The following FRMPD4 variants were observed in gnomAD, a reference collection of about 807,000 sequenced individuals.
FRMPD4 encodes the protein FERM and PDZ domain-containing protein 4.
In FRMPD4, 22 loss-of-function variants were observed where a neutral mutation model predicts 94.1. The observed-to-expected ratio is 0.23, with a 90% CI of 0.17 to 0.33. The LOEUF is 0.33. FRMPD4 is among the 10% of genes least tolerant of loss of function. The probability of loss-of-function intolerance (pLI) is 1.00; values close to 1 mark genes in which losing one functional copy is unlikely to be tolerated. For synonymous variants in FRMPD4, 631 were observed against 548.6 expected (o/e 1.15, Z -2.10); for missense variants, 1,111 against 1,339.9 (o/e 0.83, Z 2.67).
chrX:11,837,651 T>A (rs1256747921), intron 1 of FRMPD4, among the ~76,000 whole-genome samples: 2 of 111,645 alleles, frequency 1.8e-5, no homozygotes, highest in Non-Finnish European at 3.8e-5. Context: ...TTCAAACTGC[T>A]AATCATGAAA....
At chrX:12,190,291 A>G (rs750807295) in intron 1 of FRMPD4, among the ~76,000 whole-genome samples, 1 of 111,416 alleles carries the variant, frequency 9.0e-6, no homozygotes, top group Non-Finnish European at 1.9e-5. Context: ...TTCAGATTTA[A>G]TCTATGGGTT....
At chrX:11,875,851 G>T (rs1307848116) in intron 2 of FRMPD4, among the ~76,000 whole-genome samples, 1 of 103,562 alleles carries the variant, frequency 9.7e-6, no homozygotes, top group Non-Finnish European at 2.0e-5. Context: ...ACCACTTGAG[G>T]ATCTTTACCA....
intron 1 of FRMPD4, among the ~76,000 whole-genome samples, chrX:12,409,978 C>A (rs1239008440): frequency 9.0e-6 from 1 of 111,672 alleles, no homozygotes; most frequent in Non-Finnish European, 1.9e-5. Context: ...GAATATCACC[C>A]CTTTTTTCTT....
chrX:12,313,923 A>G (rs1332193502), intron 1 of FRMPD4, among the ~76,000 whole-genome samples: 1 of 112,269 alleles, frequency 8.9e-6, no homozygotes, highest in Non-Finnish European at 1.9e-5. Context: ...TCTAAAATTT[A>G]ATGTTATGTG....
intron 1 of FRMPD4, among the ~76,000 whole-genome samples, chrX:12,205,091 T>TA (rs11334075): frequency 0.026 from 1,986 of 76,422 alleles, 30 homozygotes; most frequent in Middle Eastern, 0.048. Context: ...AATCAAATGC[T>TA]AAAAAAAAAA....
chrX:12,017,500 A>G (rs1041834166), intron 3 of FRMPD4, among the ~76,000 whole-genome samples: 2 of 112,367 alleles, frequency 1.8e-5, no homozygotes, highest in African/African-American at 6.5e-5. Flanking sequence ...TCAAAGGGAC[A>G]TCAAACACAG....
intron 1 of FRMPD4, among the ~76,000 whole-genome samples, chrX:11,834,212 C>T (rs966232378): frequency 4.5e-5 from 5 of 111,820 alleles, no homozygotes; most frequent in Non-Finnish European, 9.4e-5. Flanking sequence ...TATTTGGCAA[C>T]CTGACCCATC....
intron 1 of FRMPD4, among the ~76,000 whole-genome samples, chrX:12,251,577 T>G (rs887256364): frequency 2.7e-5 from 3 of 111,860 alleles, no homozygotes; most frequent in Admixed American, 9.5e-5. Flanking sequence ...TTTCCAGGGT[T>G]CTGTTCTTCT....
chrX:12,038,409 G>A (rs188137568), intron 3 of FRMPD4, among the ~76,000 whole-genome samples: 113 of 111,949 alleles, frequency 1.0e-3, no homozygotes, highest in African/African-American at 3.3e-3. Context: ...AGTTGTAATC[G>A]TTCTTTATAT....
intron 3 of FRMPD4, among the ~76,000 whole-genome samples, chrX:12,027,861 C>G (rs1300570368): frequency 3.6e-5 from 4 of 111,982 alleles, no homozygotes; most frequent in Non-Finnish European, 7.5e-5. Context: ...TTTCTATTGT[C>G]TGGTGTTTAA....
chrX:12,111,255 A>G (rs1326183867), intron 3 of FRMPD4, among the ~76,000 whole-genome samples: 6 of 111,641 alleles, frequency 5.4e-5, no homozygotes, highest in African/African-American at 2.0e-4. Context: ...GAGCCCTCAG[A>G]AATAATACCA....
At chrX:12,671,413 G>T (rs1232651157) in intron 4 of FRMPD4, among the ~76,000 whole-genome samples, 1 of 111,640 alleles carries the variant, frequency 9.0e-6, no homozygotes, top group Non-Finnish European at 1.9e-5. Context: ...CCATAGAAAA[G>T]GATGAGTTCA....
intron 1 of FRMPD4, among the ~76,000 whole-genome samples, chrX:11,843,464 T>A (rs1360096533): frequency 8.9e-6 from 1 of 112,221 alleles, no homozygotes; most frequent in Non-Finnish European, 1.9e-5. Flanking sequence ...TTTCTTATGT[T>A]CTTTAAAGAA....
chrX:12,107,663 T>C (rs755635445), intron 3 of FRMPD4, among the ~76,000 whole-genome samples: 2 of 111,383 alleles, frequency 1.8e-5, no homozygotes, highest in Admixed American at 1.9e-4. Flanking sequence ...ACAAAGAAGA[T>C]GAAACCTTGA....
Position 12,614,898 on chromosome X carries a change from C to T in FRMPD4, c.422+17C>T, listed in dbSNP as rs1333226034. 4 of 945,737 alleles carry T rather than the reference C, an allele frequency of 4.2e-6. No homozygotes were observed. The highest frequency in any genetic ancestry group is 1.5e-6 in the Non-Finnish European group (1 of 660,623). 77.9% of individuals were successfully genotyped at this position (945,737 alleles called of 1,213,427 possible). Reference sequence around the variant, plus strand: ...TCTGGTCAGGTGAGTGACTCATTCACCTGTGTCCTGTTCTGCTTTGAAGGC... The same window carrying T: ...TCTGGTCAGGTGAGTGACTCATTCATCTGTGTCCTGTTCTGCTTTGAAGGC... On this transcript the variant is annotated intron_variant, in intron 4 of 16. Coordinates refer to ENST00000675598, the MANE Select transcript of FRMPD4 (RefSeq NM_001368397.1).
At position 11,953,417 on chromosome X, in the gene FRMPD4, A is replaced by G. The variant is rs1434717165; in HGVS notation, c.95+75399A>G. 3.6e-5 allele frequency among the ~76,000 whole-genome samples: 4 copies of G among 111,839 alleles called. No individual in the cohort carries two copies. In the Admixed American group the frequency reaches 3.8e-4, roughly 11 times the overall value. ...TTTTCAGGAGTGGCATTTTCTGACA[A>G]TGGAATTTAGGAGTCTAAGATTCCT... On this transcript the variant is annotated intron_variant, in intron 3 of 18. Coordinates refer to the FRMPD4 transcript ENST00000640291.
chrX:12,210,763 C>G (rs1446131082), intron 1 of FRMPD4, among the ~76,000 whole-genome samples: 1 of 110,702 alleles, frequency 9.0e-6, no homozygotes, highest in Non-Finnish European at 1.9e-5. Context: ...AAAAGAAAAC[C>G]AGACAACCTG....
intron 3 of FRMPD4, among the ~76,000 whole-genome samples, chrX:12,097,266 G>A (rs139619352): frequency 0.011 from 1,284 of 111,835 alleles, 8 homozygotes; most frequent in Middle Eastern, 0.037. Flanking sequence ...ATCTCTCATT[G>A]TTCAGCTCTG....
intron 3 of FRMPD4, among the ~76,000 whole-genome samples, chrX:12,022,619 A>G (rs917754523): frequency 3.6e-5 from 4 of 111,437 alleles, no homozygotes. Flanking sequence ...AGGTATCTCC[A>G]TGCTCATCTC....
Sources: allele counts gnomAD v4.1 joint callset (sites outside exome capture counted in the v4.1 genomes callset), GRCh38; gene constraint gnomAD v4.1.1; transcripts MANE v1.5; gene names NCBI Gene and HGNC (gene_info 2026-07-23, HGNC 2026-07-21).